Variants in NCAM2 observed in about 807,000 individuals in gnomAD.
NCAM2 encodes the protein neural cell adhesion molecule 2.
NCAM2 carries 30 observed loss-of-function variants against 98.1 expected under a neutral mutation model. The observed-to-expected ratio is 0.31, with a 90% CI of 0.23 to 0.41. NCAM2 has a LOEUF of 0.41. Among genes scored for constraint, NCAM2 ranks in the 10% least tolerant of loss-of-function variants. The pLI is 1.00. For synonymous variants in NCAM2, 368 were observed against 342.4 expected (o/e 1.07, Z -0.83); for missense variants, 867 against 1,005.8 (o/e 0.86, Z 1.87).
At position 21,410,338 on chromosome 21, in the gene NCAM2, A is replaced by C. The variant is rs551840618; in HGVS notation, c.1260A>C (p.Ile420=). Residue 420 remains isoleucine, a synonymous_variant, in exon 10 of 18, where the codon ATA becomes ATC. Coordinates refer to ENST00000400546, the MANE Select transcript of NCAM2 (RefSeq NM_004540.5). ...CTTGGGAAGGAAATCCTATCAATAT[A>C]AGTTGTGATGTGAAATCGAATCCAC... ...YYSWEGNPIN[I]SCDVKSNPPA... is the part of the protein sequence containing the mutation. 4 of 1,603,460 alleles carry C rather than the reference A, an allele frequency of 2.5e-6. No homozygotes were observed. The East Asian group carries it at 9.0e-5, about 36-fold the overall frequency.
intron 1 of NCAM2, among the ~76,000 whole-genome samples, chr21:21,150,143 A>G (rs536274482): frequency 7.4e-4 from 113 of 152,196 alleles, no homozygotes; most frequent in African/African-American, 2.6e-3. Flanking sequence ...ATTACTGTAA[A>G]TGGTATTGTG....
chr21:21,438,177 T>C (rs1978673183), intron 12 of NCAM2, among the ~76,000 whole-genome samples: 2 of 152,114 alleles, frequency 1.3e-5, no homozygotes, highest in South Asian at 4.1e-4. Flanking sequence ...TAGTTACTTT[T>C]CCTTGGTAGT....
chr21:21,475,742 G>C (rs1985085581), intron 14 of NCAM2, among the ~76,000 whole-genome samples: 1 of 152,074 alleles, frequency 6.6e-6, no homozygotes, highest in African/African-American at 2.4e-5. Context: ...TTGATAACTT[G>C]TAGTGCTTGT....
chr21:21,418,810 TG>T (rs1353234565), intron 11 of NCAM2, among the ~76,000 whole-genome samples: 1 of 152,102 alleles, frequency 6.6e-6, no homozygotes, highest in Non-Finnish European at 1.5e-5. Flanking sequence ...TGCTGTTCAG[TG>T]GTACGGTAGG....
At chr21:21,457,868 C>T (rs1415378487) in intron 12 of NCAM2, among the ~76,000 whole-genome samples, 3 of 152,046 alleles carry the variant, frequency 2.0e-5, no homozygotes, top group Admixed American at 6.6e-5. Context: ...AACTTTTTAC[C>T]GTATCCATTT....
chr21:21,142,731 T>C (rs2067196434), intron 1 of NCAM2, among the ~76,000 whole-genome samples: 1 of 152,172 alleles, frequency 6.6e-6, no homozygotes, highest in Admixed American at 6.5e-5. Context: ...GGTTTCTGGG[T>C]CAAAAAGCAA....
At chr21:21,089,381 T>C (rs961021586) in intron 1 of NCAM2, among the ~76,000 whole-genome samples, 2 of 152,130 alleles carry the variant, frequency 1.3e-5, no homozygotes, top group African/African-American at 4.8e-5. Flanking sequence ...GAGAATTTTC[T>C]CTCCCTAATA....
At chr21:21,511,177 T>C (rs143331762) in intron 16 of NCAM2, among the ~76,000 whole-genome samples, 262 of 152,156 alleles carry the variant, frequency 1.7e-3, no homozygotes, top group African/African-American at 6.1e-3. Flanking sequence ...TATTTTTGGC[T>C]GTTGTCAATC....
chr21:21,217,233 C>G (rs2069940354), intron 1 of NCAM2, among the ~76,000 whole-genome samples: 1 of 152,086 alleles, frequency 6.6e-6, no homozygotes, highest in Admixed American at 6.6e-5. Flanking sequence ...TGTTATTGCT[C>G]AGTACAAGCA....
Position 21,477,475 on chromosome 21 carries a change from A to G in NCAM2, c.2077+4A>G. On this transcript the variant is annotated splice_donor_region_variant and intron_variant, in intron 15 of 17. Coordinates refer to ENST00000400546, the MANE Select transcript of NCAM2 (RefSeq NM_004540.5). ...CCAAAGCCCAACATTATTAAAGGTA[A>G]GCAAAACTATATTCTTTTTTAGACT... 6.3e-7 allele frequency: 1 copy of G among 1,580,488 alleles called. No individual in the cohort carries two copies.
intron 9 of NCAM2, among the ~76,000 whole-genome samples, chr21:21,401,580 GT>G (rs929832518): frequency 9.2e-5 from 14 of 152,140 alleles, no homozygotes; most frequent in African/African-American, 3.4e-4. Context: ...TCTGTGCCTG[GT>G]TTATTTCACT....
intron 1 of NCAM2, among the ~76,000 whole-genome samples, chr21:21,012,930 A>G (rs2064236881): frequency 6.6e-6 from 1 of 152,148 alleles, no homozygotes; most frequent in African/African-American, 2.4e-5. Context: ...ATACCCACAT[A>G]ATGACAAACT....
intron 1 of NCAM2, among the ~76,000 whole-genome samples, chr21:21,200,502 A>G (rs2147020029): frequency 6.6e-6 from 1 of 152,254 alleles, no homozygotes; most frequent in Non-Finnish European, 1.5e-5. Flanking sequence ...TAAAGAAGAT[A>G]GAAACCAATA....
intron 1 of NCAM2, among the ~76,000 whole-genome samples, chr21:21,101,963 G>A (rs1226639425): frequency 6.6e-6 from 1 of 152,012 alleles, no homozygotes; most frequent in Non-Finnish European, 1.5e-5. Context: ...GTTGGGTCTA[G>A]CATGTGGCAA....
intron 1 of NCAM2, among the ~76,000 whole-genome samples, chr21:21,055,736 TC>T (rs2146309837): frequency 6.6e-6 from 1 of 152,204 alleles, no homozygotes; most frequent in South Asian, 2.1e-4. Flanking sequence ...AGACTAAGTG[TC>T]TCATCACTTA....
intron 1 of NCAM2, among the ~76,000 whole-genome samples, chr21:21,175,860 A>C (rs1467340758): frequency 6.6e-6 from 1 of 152,226 alleles, no homozygotes; most frequent in African/African-American, 2.4e-5. Context: ...CCTAAAATGA[A>C]TAACCTAACA....
chr21:21,045,823 T>C (rs531422136), intron 1 of NCAM2, among the ~76,000 whole-genome samples: 1 of 152,366 alleles, frequency 6.6e-6, no homozygotes, highest in African/African-American at 2.4e-5. Context: ...GTTAGCCATA[T>C]TCCCTTCTAT....
chr21:21,069,991 G>A (rs189115096), intron 1 of NCAM2, among the ~76,000 whole-genome samples: 9 of 152,008 alleles, frequency 5.9e-5, no homozygotes, highest in African/African-American at 1.4e-4. Flanking sequence ...TGTGAACACC[G>A]GCAATTTAAT....
At chr21:21,107,466 G>GT in intron 1 of NCAM2, among the ~76,000 whole-genome samples, 1 of 152,120 alleles carries the variant, frequency 6.6e-6, no homozygotes, top group East Asian at 1.9e-4. Context: ...GGACAGGTCA[G>GT]TTTTTTCTGA....
Sources: gnomAD v4.1 joint callset for allele counts (sites outside exome capture counted in the v4.1 genomes callset) on GRCh38, gnomAD v4.1.1 for gene constraint, MANE v1.5 for transcripts, NCBI Gene and HGNC (gene_info 2026-07-23, HGNC 2026-07-21) for gene names.